TRMT11: variants seen among roughly 807,000 people sequenced by gnomAD.
The protein encoded by TRMT11 is tRNA (guanine(10)-N(2))-methyltransferase TRMT11.
In TRMT11, 53 loss-of-function variants were observed where a neutral mutation model predicts 62.8. That is an observed-to-expected ratio of 0.84 (90% CI 0.68 to 1.06). TRMT11 has a LOEUF of 1.06. TRMT11 is among the 50% of genes least tolerant of loss of function. TRMT11 has a pLI of 0.00. For missense variants in TRMT11, 556 were observed against 553.4 expected (o/e 1.00, Z -0.05); for synonymous variants, 188 against 190.3 (o/e 0.99, Z 0.10).
chr6:126,209,599 G>A, the TRMT11 span, among the ~76,000 whole-genome samples: 3 of 151,698 alleles, frequency 2.0e-5, no homozygotes, highest in African/African-American at 4.8e-5. Context: ...GGTGGCGGGC[G>A]CCTGTAGTCC....
chr6:126,246,550 C>G, the TRMT11 span, among the ~76,000 whole-genome samples: 1 of 151,930 alleles, frequency 6.6e-6, no homozygotes, highest in Non-Finnish European at 1.5e-5. Context: ...ATAGCTGCAT[C>G]CACGGAAGTG....
At chr6:126,241,725 C>T in the TRMT11 span, among the ~76,000 whole-genome samples, 1 of 152,134 alleles carries the variant, frequency 6.6e-6, no homozygotes, top group Admixed American at 6.5e-5. Flanking sequence ...GCAGAAAAGA[C>T]CTTTGACGAA....
rs1562334869 is a variant in TRMT11 at position 126,151,880 on chromosome 6, C to CTTTT, written c.*1824-22945_*1824-22944insTTTT. ...TTTCTTTCTTTCCTTCTTTCTCCTT[C>CTTTT]CTTCCTTGTCTTTTTCTTTCTTTTC... On this transcript the variant is annotated intron_variant and NMD_transcript_variant, in intron 21 of 22. Transcript: ENST00000648977. Among the ~76,000 whole-genome samples the CTTTT allele has an allele frequency of 3.2e-3, 167 of 52,614 alleles. 2 individuals carry two copies. Among genetic ancestry groups the CTTTT allele is most frequent in the Non-Finnish European group, 3.5e-3 (99 of 28,052 alleles). 34.5% of individuals were successfully genotyped at this position (52,614 alleles called of 152,430 possible). A position where few individuals can be genotyped will look rare whatever the true frequency, so the allele number is the denominator to read the frequency against.
the TRMT11 span, among the ~76,000 whole-genome samples, chr6:126,269,477 C>A: frequency 4.6e-5 from 7 of 152,130 alleles, no homozygotes; most frequent in Non-Finnish European, 5.9e-5. Flanking sequence ...GGGGTTAAAT[C>A]TTTATATCAG....
upstream of TRMT11, among the ~76,000 whole-genome samples, chr6:126,175,658 A>G (rs1010361082): frequency 2.6e-5 from 4 of 152,164 alleles, no homozygotes; most frequent in Admixed American, 2.6e-4. Flanking sequence ...ATCCTTTCAC[A>G]AACCTGAGGA....
chr6:125,986,736 G>GA (rs1789694297), intron 1 of TRMT11, 114 bp downstream of exon 1: 1 of 988,378 alleles, frequency 1.0e-6, no homozygotes, highest in Non-Finnish European at 1.5e-6. Context: ...GGTCTTCGCT[G>GA]GTCTGCGCGG....
the TRMT11 span, among the ~76,000 whole-genome samples, chr6:126,226,523 GA>G: frequency 6.6e-5 from 10 of 152,018 alleles, no homozygotes; most frequent in Non-Finnish European, 1.3e-4. Flanking sequence ...AAGTACAGAT[GA>G]ATTATAATAA....
the TRMT11 span, among the ~76,000 whole-genome samples, chr6:126,245,357 T>G: frequency 6.6e-6 from 1 of 152,252 alleles, no homozygotes; most frequent in Non-Finnish European, 1.5e-5. Flanking sequence ...GAAACTTGTC[T>G]AATTTGAAAC....
the TRMT11 span, among the ~76,000 whole-genome samples, chr6:126,253,834 T>C: frequency 1.3e-5 from 2 of 152,224 alleles, no homozygotes; most frequent in African/African-American, 2.4e-5. Flanking sequence ...GAGTCTCCAC[T>C]TGGATGCTTC....
chr6:126,091,060 A>T (rs1225723976), intron 17 of TRMT11, among the ~76,000 whole-genome samples: 1 of 152,058 alleles, frequency 6.6e-6, no homozygotes, highest in Admixed American at 6.5e-5. Context: ...AAATACAAAA[A>T]TTAGCAGGGT....
At chr6:126,209,841 A>G in the TRMT11 span, among the ~76,000 whole-genome samples, 59 of 152,352 alleles carry the variant, frequency 3.9e-4, no homozygotes, top group Admixed American at 1.8e-3. Context: ...ATTAAAAATA[A>G]GAGAGCTTCC....
At chr6:126,233,348 T>C in the TRMT11 span, among the ~76,000 whole-genome samples, 1,921 of 152,298 alleles carry the variant, frequency 0.013, 45 homozygotes, top group African/African-American at 0.043. Context: ...GGCTCTACAA[T>C]GTGTCAGAGA....
intron 21 of TRMT11, among the ~76,000 whole-genome samples, chr6:126,128,372 A>G (rs563443367): frequency 6.6e-6 from 1 of 152,226 alleles, no homozygotes; most frequent in African/African-American, 2.4e-5. Flanking sequence ...AGATAAGAAT[A>G]TGCTAAATCT....
At chr6:126,009,142 C>T (rs1793807790) in intron 8 of TRMT11, among the ~76,000 whole-genome samples, 1 of 151,860 alleles carries the variant, frequency 6.6e-6, no homozygotes, top group African/African-American at 2.4e-5. Context: ...TTAAGATTAT[C>T]ACCACTCATT....
intron 11 of TRMT11, among the ~76,000 whole-genome samples, chr6:126,016,701 A>ATT (rs11424732): frequency 0.37 from 54,349 of 146,808 alleles, 12,453 homozygotes; most frequent in East Asian, 0.9. Context: ...TGTTTTAGGG[A>ATT]TTTTTTTTTT....
At chr6:126,006,341 C>T (rs958697322) in intron 7 of TRMT11, among the ~76,000 whole-genome samples, 2 of 151,794 alleles carry the variant, frequency 1.3e-5, no homozygotes, top group African/African-American at 2.4e-5. Context: ...CATTTCTCCA[C>T]GTTTGCAAAG....
At chr6:126,198,631 T>C (rs1419666342) in intron 1 of TRMT11, among the ~76,000 whole-genome samples, 3 of 152,180 alleles carry the variant, frequency 2.0e-5, no homozygotes, top group Non-Finnish European at 4.4e-5. Context: ...GACCACACTA[T>C]TTAGTTAATC....
At chr6:126,074,055 A>G (rs1214606528) in intron 17 of TRMT11, among the ~76,000 whole-genome samples, 1 of 152,212 alleles carries the variant, frequency 6.6e-6, no homozygotes, top group African/African-American at 2.4e-5. Context: ...GGTCCCTCCC[A>G]TGACACGTGG....
At chr6:126,012,906 TC>T (rs1307639153) in intron 10 of TRMT11, 54 bp downstream of exon 10, 4 of 1,609,588 alleles carry the variant, frequency 2.5e-6, no homozygotes, top group Non-Finnish European at 3.4e-6. Flanking sequence ...GCATGTGGCT[TC>T]CCCGTTAACT....
Sources: gnomAD v4.1 joint callset for allele counts (sites outside exome capture counted in the v4.1 genomes callset) on GRCh38, gnomAD v4.1.1 for gene constraint, MANE v1.5 for transcripts, NCBI Gene and HGNC (gene_info 2026-07-23, HGNC 2026-07-21) for gene names.